The following MYO18A variants were observed in gnomAD, a reference collection of about 807,000 sequenced individuals.
MYO18A encodes the protein unconventional myosin-XVIIIa.
MYO18A carries 78 observed loss-of-function variants against 235.8 expected under a neutral mutation model. That is an observed-to-expected ratio of 0.33 (90% CI 0.28 to 0.40). The LOEUF is 0.40. Ranked by LOEUF, MYO18A falls within the 10% of genes least tolerant of loss-of-function variation. The pLI is 1.00. For synonymous variants in MYO18A, 977 were observed against 1,077.8 expected, an observed-to-expected ratio of 0.91 and a Z score of 1.83; for missense variants, 2,215 against 2,699.3, an observed-to-expected ratio of 0.82 and a Z score of 3.98.
Position 29,115,663 on chromosome 17 carries a change from C to T in MYO18A, c.2227+1G>A. ...ACTACCAGCCAAGGGACAAAGGGTA[C>T]CTGTCCCATCTCCCAGGCCACTCTC... is the stretch of plus-strand genomic sequence containing the variant. On this transcript the variant is annotated splice_donor_variant, in intron 12 of 41. Coordinates refer to ENST00000527372, the MANE Select transcript of MYO18A (RefSeq NM_078471.4). LOFTEE classifies it high-confidence loss of function. 1.3e-6 allele frequency: 2 copies of T among 1,595,908 alleles called. No individual in the cohort carries two copies. The highest frequency in any genetic ancestry group is 1.7e-6 in the Non-Finnish European group (2 of 1,172,126).
rs1255535623 is a variant in MYO18A, at chr17:29,072,293, G to A, written c.*2477C>T. On this transcript the variant is annotated 3_prime_UTR_variant, in exon 42 of 42. Coordinates refer to ENST00000527372, the MANE Select transcript of MYO18A (RefSeq NM_078471.4). ...ATAATCCTAGCACTTTGGGAGGCGA[G>A]GCAGGCAGATCACTTGAGGTCAGAA... 2 of 149,762 alleles carry A rather than the reference G, an allele frequency of 1.3e-5. No individual in the cohort carries two copies. Among genetic ancestry groups the A allele is most frequent in the Non-Finnish European group, 3.0e-5 (2 of 67,790 alleles). The allele number at this position is 149,762 out of a possible 1,614,324, so 9.3% of individuals were successfully genotyped here. A position where few individuals can be genotyped will look rare whatever the true frequency, so the allele number is the denominator to read the frequency against.
intron 1 of MYO18A, among the ~76,000 whole-genome samples, chr17:29,179,436 C>T (rs2068601302): frequency 6.6e-6 from 1 of 152,142 alleles, no homozygotes. Context: ...ACACTCCTGG[C>T]CGGGTTTGGG....
chr17:29,076,311 C>T (rs899238671), intron 41 of MYO18A: 1 of 150,420 alleles, frequency 6.6e-6, no homozygotes, highest in Non-Finnish European at 1.5e-5. Context: ...CTTCACCCCG[C>T]CACTCGATTG....
Position 29,118,026 on chromosome 17 carries a change from G to T in MYO18A, c.2038+19C>A. On this transcript the variant is annotated intron_variant, in intron 10 of 41. Transcript: ENST00000527372. This position sits in a 1 kb window ranked among gnomAD's most constrained non-coding sequence, Gnocchi z 4.2. ...CACCCAGGGGACAGGCCAGCCTACTGGGACCCACTGCAGGTTACCTTTGGT... is the reference window on the plus strand; with the variant it reads ...CACCCAGGGGACAGGCCAGCCTACTTGGACCCACTGCAGGTTACCTTTGGT... 1 of 1,567,902 alleles carries T rather than the reference G, an allele frequency of 6.4e-7. No homozygotes were observed. The highest frequency in any genetic ancestry group is 1.4e-5 in the African/African-American group (1 of 73,876).
intron 1 of MYO18A, among the ~76,000 whole-genome samples, chr17:29,177,229 T>A (rs1246121871): frequency 6.6e-6 from 1 of 152,240 alleles, no homozygotes; most frequent in Admixed American, 6.5e-5. Context: ...ACTTGCTGTG[T>A]GACCTTCAGC....
At position 29,119,116 on chromosome 17, in the gene MYO18A, T is replaced by TA. The variant is rs368529256; in HGVS notation, c.1829+218dup. Among the ~76,000 whole-genome samples the TA allele has an allele frequency of 3.2e-3, 484 of 152,292 alleles. 1 individual carries two copies. The highest frequency in any genetic ancestry group is 0.011 in the African/African-American group (470 of 41,560). ...CCCCTCCAATACAGCCAGGCCCCAG[T>TA]ACCCAGGACCAGGGAGTTCTTGATA... On this transcript the variant is annotated intron_variant, in intron 8 of 41. Transcript: ENST00000527372.
Position 29,167,031 on chromosome 17 carries a change from G to A in MYO18A, c.-81-10C>T. ...GTGCCCCACTTTGCTGCTGCAAACA[G>A]AAACACACAGAGAGAAAGGTTATTC... On this transcript the variant is annotated splice_polypyrimidine_tract_variant and intron_variant, in intron 1 of 41. Coordinates refer to ENST00000527372, the MANE Select transcript of MYO18A (RefSeq NM_078471.4). 1 of 1,442,164 alleles carries A rather than the reference G, an allele frequency of 6.9e-7. No individual in the cohort carries two copies. The highest frequency in any genetic ancestry group is 9.1e-7 in the Non-Finnish European group (1 of 1,096,242). The allele number at this position is 1,442,164 out of a possible 1,614,324, so 89.3% of individuals were successfully genotyped here.
Position 29,074,753 on chromosome 17 carries a change from C to A in MYO18A, c.*17G>T. 6.2e-7 allele frequency: 1 copy of A among 1,613,346 alleles called. No individual in the cohort carries two copies. The highest frequency in any genetic ancestry group is 8.5e-7 in the Non-Finnish European group (1 of 1,179,376). Reference sequence around the variant, plus strand: ...CACAGGCCCTGGGGTGAGAGGGCTGCCAACCACTCCCCTGGGCTATGCGTT... The same window carrying A: ...CACAGGCCCTGGGGTGAGAGGGCTGACAACCACTCCCCTGGGCTATGCGTT... On this transcript the variant is annotated 3_prime_UTR_variant, in exon 42 of 42. Transcript: ENST00000527372. This position sits in a 1 kb window ranked among gnomAD's most constrained non-coding sequence, Gnocchi z 4.4.
At chr17:29,173,412 G>A (rs1345636733) in intron 1 of MYO18A, among the ~76,000 whole-genome samples, 25 of 118,270 alleles carry the variant, frequency 2.1e-4, no homozygotes, top group Non-Finnish European at 3.5e-4. Context: ...TTTTTGAGAC[G>A]CAGTCTTGCT....
intron 1 of MYO18A, among the ~76,000 whole-genome samples, chr17:29,174,092 A>G (rs1229023471): frequency 6.6e-6 from 1 of 152,208 alleles, no homozygotes; most frequent in East Asian, 1.9e-4. Context: ...ATTTATGTAC[A>G]TATTCTTTGG....
At position 29,111,594 on chromosome 17, in the gene MYO18A, G is replaced by T. The variant is rs2066929614; in HGVS notation, c.2741-11C>A. The T allele has an allele frequency of 1.2e-6, 2 of 1,613,658 alleles. No individual in the cohort carries two copies. Among genetic ancestry groups the T allele is most frequent in the South Asian group, 1.1e-5 (1 of 91,076 alleles). Reference sequence around the variant, plus strand: ...GAAGGGGGCTTTGGCCTGATGGTGGGAGAAGCAAGATTTAGGTCGTCAGGG... The same window carrying T: ...GAAGGGGGCTTTGGCCTGATGGTGGTAGAAGCAAGATTTAGGTCGTCAGGG... On this transcript the variant is annotated splice_polypyrimidine_tract_variant and intron_variant, in intron 16 of 41. Transcript: ENST00000527372. The surrounding 1 kb of genome is among the most constrained non-coding windows in gnomAD (Gnocchi z 5.1).
intron 2 of MYO18A, among the ~76,000 whole-genome samples, chr17:29,147,040 G>A (rs1157935688): frequency 6.6e-6 from 1 of 152,168 alleles, no homozygotes; most frequent in Non-Finnish European, 1.5e-5. Flanking sequence ...ATGGGGAAAC[G>A]GGGTTTACAG....
At chr17:29,110,323 G>A in intron 18 of MYO18A, 113 bp downstream of exon 18, 1 of 1,337,642 alleles carries the variant, frequency 7.5e-7, no homozygotes. Context: ...GAGTCACAGT[G>A]GGACGCTGAG....
At position 29,094,782 on chromosome 17, in the gene MYO18A, A is replaced by C. The variant is rs746949865; in HGVS notation, c.4578T>G (p.Ile1526Met). Reference protein sequence around the residue: ...VVSLEAELQDISSQESKDEAS... With the variant: ...VVSLEAELQDMSSQESKDEAS... The stretch of plus-strand genomic sequence containing the variant: ...CCTCATCCTTGGACTCTTGGGAAGA[A>C]ATGTCCTGGAGCTCTGCCTCTAGAG... The change falls in exon 30 of 42, where the codon ATT (isoleucine) becomes ATG (methionine). Residue 1526 changes from isoleucine (I) to methionine (M), a missense_variant. By Grantham distance (10) the Ile-to-Met change is conservative. Transcript: ENST00000527372. The C allele has an allele frequency of 2.6e-5, 42 of 1,613,910 alleles. No homozygotes were observed. The South Asian group carries it at 4.1e-4, about 16-fold the overall frequency.
At chr17:29,116,943 G>A (rs2067087601) in intron 10 of MYO18A, among the ~76,000 whole-genome samples, 1 of 151,796 alleles carries the variant, frequency 6.6e-6, no homozygotes, top group East Asian at 1.9e-4. Flanking sequence ...CCACATTCTC[G>A]AGAAAACTTC....
intron 18 of MYO18A, 99 bp from the exon 19 acceptor site, chr17:29,110,200 C>T (rs545087026): frequency 5.0e-4 from 741 of 1,484,536 alleles, no homozygotes; most frequent in Non-Finnish European, 6.3e-4. Flanking sequence ...AGGGTAGCAG[C>T]GGCCCCAGCA....
Position 29,097,324 on chromosome 17 carries a change from G to A in MYO18A, c.4129C>T (p.Arg1377Trp), listed in dbSNP as rs376388005. The A allele has an allele frequency of 1.4e-5, 22 of 1,609,058 alleles. 1 individual carries two copies. In the South Asian group the frequency reaches 1.6e-4, roughly 12 times the overall value. The change falls in exon 27 of 42, where the codon CGG becomes TGG. Residue 1377 changes from arginine to tryptophan, a missense_variant. Physicochemically the swap from Arg to Trp is moderately radical, Grantham distance 101 (BLOSUM62 -3). Transcript: ENST00000527372. ...AGGEWRLKYE[R>W]AVREVDFTKK... ...GTGAAGTCCACCTCCCGCACAGCCC[G>A]CTCATACTTCAGCCGCCACTCGCCA...
At chr17:29,124,703 C>A in intron 2 of MYO18A, 1 of 1,281,644 alleles carries the variant, frequency 7.8e-7, no homozygotes, top group East Asian at 5.6e-5. Context: ...CGACAGCAAG[C>A]AAAGGAGAGA....
At chr17:29,116,635 G>A (rs2067072307) in intron 10 of MYO18A, among the ~76,000 whole-genome samples, 180 bp from the exon 11 acceptor site, 2 of 42,838 alleles carry the variant, frequency 4.7e-5, no homozygotes, top group Admixed American at 1.9e-4. Context: ...AGTCTCCAGG[G>A]AGTATGTTTG....
Sources: gnomAD v4.1 joint callset for allele counts (sites outside exome capture counted in the v4.1 genomes callset) on GRCh38, gnomAD v4.1.1 for gene constraint, Gnocchi (gnomAD v3.1) non-coding constraint, MANE v1.5 for transcripts, NCBI Gene and HGNC (gene_info 2026-07-23, HGNC 2026-07-21) for gene names.